The following SLC38A3 variants were observed in gnomAD, a reference collection of about 807,000 sequenced individuals.
SLC38A3 encodes solute carrier family 38 member 3, also known as sodium-coupled neutral amino acid transporter 3.
A neutral mutation model predicts 59.5 loss-of-function variants in SLC38A3; 17 were observed. The observed-to-expected ratio is 0.29, with a 90% CI of 0.20 to 0.43. The LOEUF is 0.43. Among genes scored for constraint, SLC38A3 ranks in the 20% least tolerant of loss-of-function variants. The probability of loss-of-function intolerance (pLI) is 1.00; values close to 1 mark genes in which losing one functional copy is unlikely to be tolerated. For missense variants in SLC38A3, 454 were observed against 653.9 expected, an observed-to-expected ratio of 0.69 and a Z score of 3.33; for synonymous variants, 238 against 260.3, an observed-to-expected ratio of 0.91 and a Z score of 0.82.
At chr3:50,208,388 G>A (rs1259542337) in intron 1 of SLC38A3, among the ~76,000 whole-genome samples, 5 of 151,358 alleles carry the variant, frequency 3.3e-5, no homozygotes, top group African/African-American at 4.9e-5. Flanking sequence ...TCAGCCTCCC[G>A]AGTAGCTGGG....
At position 50,217,690 on chromosome 3, in the gene SLC38A3, G is replaced by C. The variant is rs755946179; in HGVS notation, c.705G>C (p.Lys235Asn). The change falls in exon 10 of 16, where the codon AAG becomes AAC. Residue 235 changes from lysine (K) to asparagine (N), a missense_variant. By Grantham distance (94) the Lys-to-Asn change is moderately conservative. This residue lies in a region of SLC38A3 where 390 missense variants were observed against 557.9 expected (regional missense o/e 0.70). Coordinates refer to ENST00000614032, the MANE Select transcript of SLC38A3 (RefSeq NM_006841.6). The surrounding 1 kb of genome is among the most constrained non-coding windows in gnomAD (Gnocchi z 4.9). ...VFFLIAVIYK[K>N]FHVPCPLPPN... ...CCCCACTCCAGGTCATCTACAAAAA[G>C]TTCCACGTGCCCTGCCCACTGCCCC... The C allele has an allele frequency of 3.1e-6, 5 of 1,613,938 alleles. No individual in the cohort carries two copies. The highest frequency in any genetic ancestry group is 1.1e-5 in the South Asian group (1 of 91,078).
At chr3:50,208,669 C>G (rs534809149) in intron 1 of SLC38A3, among the ~76,000 whole-genome samples, 1 of 152,322 alleles carries the variant, frequency 6.6e-6, no homozygotes, top group Non-Finnish European at 1.5e-5. Context: ...CTGTCGCTGT[C>G]TGTCTCCTGT....
chr3:50,214,938 C>T lies in SLC38A3; in HGVS notation c.299+170C>T. The T allele has an allele frequency of 1.6e-6, 1 of 632,134 alleles. No homozygotes were observed. The highest frequency in any genetic ancestry group is 2.8e-6 in the Non-Finnish European group (1 of 356,872). The allele number at this position is 632,134 out of a possible 1,614,324, so 39.2% of individuals were successfully genotyped here. A position where few individuals can be genotyped will look rare whatever the true frequency, so the allele number is the denominator to read the frequency against. On this transcript the variant is annotated intron_variant, in intron 4 of 15. Transcript: ENST00000614032. The surrounding 1 kb of genome is among the most constrained non-coding windows in gnomAD (Gnocchi z 6.0). ...AAACATCCACAGCCAAACAAATATA[C>T]CTCACTGCCCAGTAAACCGACTGAG...
rs746639090 is a variant in SLC38A3, at chr3:50,217,887, C to T, written c.856-30C>T. On this transcript the variant is annotated intron_variant, in intron 10 of 15. Coordinates refer to ENST00000614032, the MANE Select transcript of SLC38A3 (RefSeq NM_006841.6). The surrounding 1 kb of genome is among the most constrained non-coding windows in gnomAD (Gnocchi z 4.9). ...GCGGGGGCCCAATGAGAGTGGCAGA[C>T]TGCCTTGACACAGCCCCGTGTTTCC... 6.2e-7 allele frequency: 1 copy of T among 1,614,028 alleles called. No individual in the cohort carries two copies. Among genetic ancestry groups the T allele is most frequent in the Admixed American group, 1.7e-5 (1 of 60,018 alleles).
chr3:50,219,183 C>T (rs587596149), intron 14 of SLC38A3, among the ~76,000 whole-genome samples: 2 of 152,278 alleles, frequency 1.3e-5, no homozygotes, highest in East Asian at 1.9e-4. Flanking sequence ...GATCAGAGGC[C>T]GCCTCAAAGG....
At chr3:50,212,009 TAAG>T (rs753771121) in intron 1 of SLC38A3, among the ~76,000 whole-genome samples, 1 of 152,110 alleles carries the variant, frequency 6.6e-6, no homozygotes, top group Non-Finnish European at 1.5e-5. Context: ...GGAGGTCACT[TAAG>T]GAGAGATATT....
In SLC38A3 at chr3:50,217,534, G is replaced by A. The variant is rs757541778; in HGVS notation, c.690+61G>A. 77 of 1,587,606 alleles carry A rather than the reference G, an allele frequency of 4.9e-5. 1 individual carries two copies. The highest frequency in any genetic ancestry group is 1.1e-4 in the African/African-American group (8 of 74,394). On this transcript the variant is annotated intron_variant, in intron 9 of 15. Transcript: ENST00000614032. The surrounding 1 kb of genome is among the most constrained non-coding windows in gnomAD (Gnocchi z 4.9). The stretch of plus-strand genomic sequence containing the variant: ...AGCGGGTCTCCTGGGGGAGTTCCCT[G>A]TCATCAGGAGGGGGCAGGTGTCTCT...
At position 50,215,810 on chromosome 3, in the gene SLC38A3, G is replaced by A. The variant is rs1699809145; in HGVS notation, c.537G>A (p.Glu179=). The A allele has an allele frequency of 1.7e-5, 26 of 1,567,240 alleles. No individual in the cohort carries two copies. The highest frequency in any genetic ancestry group is 2.2e-5 in the Non-Finnish European group (25 of 1,155,232). Residue 179 remains glutamate, a synonymous_variant, in exon 7 of 16, where the codon GAG becomes GAA. Coordinates refer to ENST00000614032, the MANE Select transcript of SLC38A3 (RefSeq NM_006841.6). The surrounding 1 kb of genome is among the most constrained non-coding windows in gnomAD (Gnocchi z 7.1). ...PLVIQTFLNL[E]EKTSDWYMNG... is the part of the protein sequence containing the mutation. ...TCATACAGACCTTCCTGAACCTGGA[G>A]GAGAAAACCTCGTGAGCCCTGGCGT...
rs568552238 is a variant in SLC38A3 at position 50,209,116 on chromosome 3, G to A, written c.-52+3768G>A. 7.2e-5 allele frequency among the ~76,000 whole-genome samples: 11 copies of A among 152,336 alleles called. No individual in the cohort carries two copies. In the South Asian group the frequency reaches 2.1e-3, roughly 29 times the overall value. On this transcript the variant is annotated intron_variant, in intron 1 of 15. Coordinates refer to ENST00000614032, the MANE Select transcript of SLC38A3 (RefSeq NM_006841.6). ...GCAGGGTCTCCCCTGCCCCTGGGGGGCCACAGTCACGTGATGTCCTGTCCT... is the reference window on the plus strand; with the variant it reads ...GCAGGGTCTCCCCTGCCCCTGGGGGACCACAGTCACGTGATGTCCTGTCCT...
chr3:50,215,654 G>A lies in SLC38A3; in HGVS notation c.466+18G>A. 1 of 1,613,304 alleles carries A rather than the reference G, an allele frequency of 6.2e-7. No homozygotes were observed. Among genetic ancestry groups the A allele is most frequent in the Non-Finnish European group, 8.5e-7 (1 of 1,179,618 alleles). ...CATCGGAGGTAAGAGCAGTGGGCAG[G>A]GGCAGGCAGTAGGGAGGTGGACAGC... On this transcript the variant is annotated intron_variant, in intron 6 of 15. Transcript: ENST00000614032. This position sits in a 1 kb window ranked among gnomAD's most constrained non-coding sequence, Gnocchi z 7.1.
chr3:50,216,794 A>G (rs1699825032), intron 7 of SLC38A3, among the ~76,000 whole-genome samples: 1 of 133,494 alleles, frequency 7.5e-6, no homozygotes, highest in African/African-American at 3.4e-5. Context: ...TGTTTGTGAG[A>G]CGGAGTCTCG....
chr3:50,214,633 T>C lies in SLC38A3; in HGVS notation c.184-20T>C. On this transcript the variant is annotated intron_variant, in intron 3 of 15. Transcript: ENST00000614032. The surrounding 1 kb of genome is among the most constrained non-coding windows in gnomAD (Gnocchi z 6.0). ...TTGCTGACTCCTCCCACCCTCCCCG[T>C]CCCATTCTGGTGCCTGCAGTTCGAG... The C allele has an allele frequency of 1.3e-6, 2 of 1,502,116 alleles. No individual in the cohort carries two copies. Among genetic ancestry groups the C allele is most frequent in the Non-Finnish European group, 1.8e-6 (2 of 1,083,118 alleles). 93.0% of individuals were successfully genotyped at this position (1,502,116 alleles called of 1,614,324 possible).
intron 1 of SLC38A3, among the ~76,000 whole-genome samples, chr3:50,209,648 C>CAAAAAAAAAAAAAAAAAAAAAAAAAAAAA (rs113482440): frequency 8.7e-6 from 1 of 114,922 alleles, no homozygotes; most frequent in African/African-American, 3.3e-5. Context: ...GACTCCGTCT[C>CAAAAAAAAAAAAAAAAAAAAAAAAAAAAA]AAAAAAAAAA....
Position 50,218,366 on chromosome 3 carries a change from C to A in SLC38A3, c.1032C>A (p.Phe344Leu). The stretch of plus-strand genomic sequence containing the variant: ...CTGCCCTCTTCGGCTACCTCACCTT[C>A]TACAGTACGGTGGCACCGGTGGGCA... ...FLAALFGYLTFYNGVESELLH... is the reference protein window; with the variant it reads ...FLAALFGYLTLYNGVESELLH... The change falls in exon 12 of 16, where the codon TTC becomes TTA. Residue 344 changes from phenylalanine to leucine, a missense_variant. By Grantham distance (22) the Phe-to-Leu change is conservative. Coordinates refer to ENST00000614032, the MANE Select transcript of SLC38A3 (RefSeq NM_006841.6). The surrounding 1 kb of genome is among the most constrained non-coding windows in gnomAD (Gnocchi z 5.8). 1.2e-6 allele frequency: 2 copies of A among 1,605,218 alleles called. No individual in the cohort carries two copies. The highest frequency in any genetic ancestry group is 1.7e-6 in the Non-Finnish European group (2 of 1,171,854).
In SLC38A3 at chr3:50,220,209, C is replaced by T. The variant is rs1457856950; in HGVS notation, c.*32C>T. 16 of 1,505,876 alleles carry T rather than the reference C, an allele frequency of 1.1e-5. No individual in the cohort carries two copies. Among genetic ancestry groups the T allele is most frequent in the Non-Finnish European group, 1.3e-5 (14 of 1,105,140 alleles). The allele number at this position is 1,505,876 out of a possible 1,614,324, so 93.3% of individuals were successfully genotyped here. On this transcript the variant is annotated 3_prime_UTR_variant, in exon 16 of 16. Transcript: ENST00000614032. ...CCTCATCCTGTTCTGTCTACTCACC[C>T]TAGCAGCCCTGCCCAGACTCTTCAG...
In SLC38A3 at chr3:50,218,597, G is replaced by A; in HGVS notation, c.1041G>A (p.Gly347=). Residue 347 remains glycine, a synonymous_variant, in exon 13 of 16, where the codon GGG becomes GGA. Transcript: ENST00000614032. This position sits in a 1 kb window ranked among gnomAD's most constrained non-coding sequence, Gnocchi z 5.8. ...ALFGYLTFYN[G]VESELLHTYS... ...CACCCTCCCTGCCTGCCACAGACGGGGTGGAGTCGGAGCTGCTGCACACCT... is the reference window on the plus strand; with the variant it reads ...CACCCTCCCTGCCTGCCACAGACGGAGTGGAGTCGGAGCTGCTGCACACCT... 1 of 1,612,538 alleles carries A rather than the reference G, an allele frequency of 6.2e-7. No individual in the cohort carries two copies. The highest frequency in any genetic ancestry group is 8.5e-7 in the Non-Finnish European group (1 of 1,179,326).
Position 50,217,192 on chromosome 3 carries a change from A to G in SLC38A3, c.549-46A>G, listed in dbSNP as rs78020607. 0.11 allele frequency: 160,104 copies of G among 1,456,888 alleles called. 9,126 individuals are homozygous for G. The highest frequency in any genetic ancestry group is 0.13 in the East Asian group (5,683 of 42,518). 90.2% of individuals were successfully genotyped at this position (1,456,888 alleles called of 1,614,324 possible). A position where few individuals can be genotyped will look rare whatever the true frequency, so the allele number is the denominator to read the frequency against. ...CAGAGGGAGGCAGGGGCCCCATCCC[A>G]GGCTGAATGGATTCTGACCCTGGCT... On this transcript the variant is annotated intron_variant, in intron 7 of 15. Coordinates refer to ENST00000614032, the MANE Select transcript of SLC38A3 (RefSeq NM_006841.6). This position sits in a 1 kb window ranked among gnomAD's most constrained non-coding sequence, Gnocchi z 4.9.
In SLC38A3 at chr3:50,215,017, ACGTGATGGCCAAGCCCCACGGCC is replaced by A. The variant is rs1386965214; in HGVS notation, c.299+250_299+272del. The A allele has an allele frequency of 4.9e-5, 28 of 571,042 alleles. No homozygotes were observed. The East Asian group carries it at 8.6e-4, about 17-fold the overall frequency. 35.4% of individuals were successfully genotyped at this position (571,042 alleles called of 1,614,324 possible). On this transcript the variant is annotated intron_variant, in intron 4 of 15. Transcript: ENST00000614032. The surrounding 1 kb of genome is among the most constrained non-coding windows in gnomAD (Gnocchi z 7.1). The stretch of plus-strand genomic sequence containing the variant: ...AGAGACTGTCCTTTTGGCACCTTAC[ACGTGATGGCCAAGCCCCACGGCC>A]AGGCCTTGTGTGGGCACACGTGTCC...
chr3:50,211,818 C>T (rs1368586935), intron 1 of SLC38A3, among the ~76,000 whole-genome samples: 3 of 152,000 alleles, frequency 2.0e-5, no homozygotes, highest in African/African-American at 7.2e-5. Context: ...AACTCCTGAC[C>T]TCAGGTGATC....
Sources: gnomAD v4.1 joint callset for allele counts (sites outside exome capture counted in the v4.1 genomes callset) on GRCh38, gnomAD v4.1.1 for gene constraint, gnomAD v4.1.1 regional missense constraint, Gnocchi (gnomAD v3.1) non-coding constraint, MANE v1.5 for transcripts, NCBI Gene and HGNC (gene_info 2026-07-23, HGNC 2026-07-21) for gene names.